ADAM20: variants seen among roughly 807,000 people sequenced by gnomAD.
ADAM20 encodes ADAM metallopeptidase domain 20.
For missense variants in ADAM20, 871 were observed against 883.2 expected (o/e 0.99, Z 0.18); for synonymous variants, 305 against 310.2 (o/e 0.98, Z 0.18).
chr14:70,527,064 C>A (rs928248751), intron 1 of ADAM20, among the ~76,000 whole-genome samples: 1 of 152,212 alleles, frequency 6.6e-6, no homozygotes, highest in African/African-American at 2.4e-5. Context: ...TATCTGCACA[C>A]TCCCATGCTC....
Position 70,524,674 on chromosome 14 carries a change from G to A in ADAM20, c.84C>T (p.His28=), listed in dbSNP as rs1883547036. Reference sequence around the variant, plus strand: ...AATACTGGGAGGGCCTGGCCTGAGAGTGGCCAGAAATAGACAAAAACATCC... The same window carrying A: ...AATACTGGGAGGGCCTGGCCTGAGAATGGCCAGAAATAGACAAAAACATCC... ...WFGMFLSISG[H]SQARPSQYFT... Residue 28 remains histidine (H), a synonymous_variant, in exon 2 of 2, where the codon CAC becomes CAT. Coordinates refer to ENST00000256389, the MANE Select transcript of ADAM20 (RefSeq NM_003814.5). 17 of 1,614,046 alleles carry A rather than the reference G, an allele frequency of 1.1e-5. No homozygotes were observed. The highest frequency in any genetic ancestry group is 1.4e-5 in the Non-Finnish European group (16 of 1,179,956).
the ADAM20 span, among the ~76,000 whole-genome samples, chr14:70,548,913 G>T: frequency 2.4e-4 from 29 of 118,766 alleles, no homozygotes; most frequent in Admixed American, 1.2e-3. Flanking sequence ...AGAAAGGTCG[G>T]GTTACCCTCA....
At chr14:70,558,127 A>C in the ADAM20 span, among the ~76,000 whole-genome samples, 182 of 152,350 alleles carry the variant, frequency 1.2e-3, no homozygotes, top group African/African-American at 4.3e-3. Flanking sequence ...GAATATTGAC[A>C]GGTACAGCTT....
intron 1 of ADAM20, among the ~76,000 whole-genome samples, chr14:70,528,596 G>A (rs1484150568): frequency 6.6e-6 from 1 of 152,112 alleles, no homozygotes; most frequent in Non-Finnish European, 1.5e-5. Context: ...CCTCATTCCA[G>A]AGCTTAGTGG....
the ADAM20 span, among the ~76,000 whole-genome samples, chr14:70,566,206 AC>A: frequency 6.6e-6 from 1 of 152,218 alleles, no homozygotes; most frequent in Non-Finnish European, 1.5e-5. Context: ...GTCACTTTTA[AC>A]CCTAATATAA....
chr14:70,560,719 TCA>T, the ADAM20 span, among the ~76,000 whole-genome samples: 1 of 152,100 alleles, frequency 6.6e-6, no homozygotes, highest in African/African-American at 2.4e-5. Flanking sequence ...ACTTCCCCCT[TCA>T]CTCTCTCTCT....
the ADAM20 span, among the ~76,000 whole-genome samples, chr14:70,571,976 T>C: frequency 8.5e-5 from 13 of 152,142 alleles, no homozygotes; most frequent in African/African-American, 2.2e-4. Flanking sequence ...AAAGAAATTA[T>C]AGATGATACA....
chr14:70,523,465 T>C lies in ADAM20; in HGVS notation c.1293A>G (p.Lys431=). The change falls in exon 2 of 2, where the codon AAA becomes AAG. Residue 431 remains lysine (K), a synonymous_variant. Coordinates refer to ENST00000256389, the MANE Select transcript of ADAM20 (RefSeq NM_003814.5). ...TACAGTTTAACAGACAACAGGGATC[T>C]TTTGCACACTGCCGTATGGTTCCAC... ...CDCGTIRQCA[K]DPCCLLNCTL... The C allele has an allele frequency of 6.2e-7, 1 of 1,614,076 alleles. No individual in the cohort carries two copies. Among genetic ancestry groups the C allele is most frequent in the Non-Finnish European group, 8.5e-7 (1 of 1,179,958 alleles).
chr14:70,524,857 T>C lies in ADAM20; in HGVS notation c.-100A>G, dbSNP rs778636555. On this transcript the variant is annotated 5_prime_UTR_variant, in exon 2 of 2. The change abolishes an upstream ATG in the 5' untranslated region. Coordinates refer to ENST00000256389, the MANE Select transcript of ADAM20 (RefSeq NM_003814.5). ...CTCCCTCTGAGCTGTTCAGGGTGCA[T>C]GGCTGACCTTTAGGGATCTGGGGAT... The C allele has an allele frequency of 2.5e-5, 41 of 1,612,852 alleles. No homozygotes were observed. Among genetic ancestry groups the C allele is most frequent in the Non-Finnish European group, 3.4e-5 (40 of 1,179,866 alleles).
At chr14:70,541,272 T>C in the ADAM20 span, among the ~76,000 whole-genome samples, 2 of 152,360 alleles carry the variant, frequency 1.3e-5, no homozygotes, top group African/African-American at 2.4e-5. Context: ...GCCTCCTCAA[T>C]GCTTTATAAA....
At chr14:70,572,962 G>C in the ADAM20 span, among the ~76,000 whole-genome samples, 1 of 152,110 alleles carries the variant, frequency 6.6e-6, no homozygotes, top group East Asian at 1.9e-4. Flanking sequence ...GTAGAGAAGA[G>C]AATGCTTATA....
At chr14:70,564,348 T>G in the ADAM20 span, among the ~76,000 whole-genome samples, 3 of 152,102 alleles carry the variant, frequency 2.0e-5, no homozygotes, top group African/African-American at 7.2e-5. Flanking sequence ...TTAAAAACAG[T>G]AGAATCTAGA....
chr14:70,569,608 AAG>A, the ADAM20 span, among the ~76,000 whole-genome samples: 1 of 152,014 alleles, frequency 6.6e-6, no homozygotes, highest in African/African-American at 2.4e-5. Context: ...ACAAACAAAA[AAG>A]AGGATGAGTT....
the ADAM20 span, among the ~76,000 whole-genome samples, chr14:70,546,572 T>A: frequency 7.9e-5 from 12 of 152,126 alleles, no homozygotes; most frequent in African/African-American, 2.9e-4. Context: ...ATCTATCTAG[T>A]GAGCAGAGGG....
At chr14:70,525,514 A>C (rs1345556583) in intron 1 of ADAM20, among the ~76,000 whole-genome samples, 1 of 152,086 alleles carries the variant, frequency 6.6e-6, no homozygotes, top group Non-Finnish European at 1.5e-5. Context: ...GAGCTGTCAT[A>C]CCGAGCAAAA....
In ADAM20 at chr14:70,524,550, G is replaced by A. The variant is rs370689994; in HGVS notation, c.208C>T (p.Gln70Ter). 4 of 1,613,804 alleles carry A rather than the reference G, an allele frequency of 2.5e-6. No individual in the cohort carries two copies. The African/African-American group carries it at 5.3e-5, about 22-fold the overall frequency. ...WLSYSLRFGG[Q>*]RYIVHMRVNK... ...ACCCTCATGTGGACAATGTATCTCT[G>A]TCCCCCAAACCGCAGGCTATAGGAG... Residue 70 changes from glutamine (Q) to a stop codon, truncating the protein, a stop_gained, in exon 2 of 2, where the codon CAG (glutamine) becomes TAG (stop). Coordinates refer to ENST00000256389, the MANE Select transcript of ADAM20 (RefSeq NM_003814.5). LOFTEE classifies it low-confidence loss of function (END_TRUNC).
the ADAM20 span, among the ~76,000 whole-genome samples, chr14:70,571,875 T>C: frequency 6.6e-6 from 1 of 152,070 alleles, no homozygotes; most frequent in Admixed American, 6.5e-5. Flanking sequence ...CTCAATTCCA[T>C]CTAGAAATAG....
chr14:70,559,843 G>GAAGC, the ADAM20 span, among the ~76,000 whole-genome samples: 2 of 152,170 alleles, frequency 1.3e-5, no homozygotes, highest in Middle Eastern at 3.2e-3. Context: ...AGAAAGGAAA[G>GAAGC]AAGCAAGCAA....
chr14:70,557,284 A>G, the ADAM20 span: 2 of 152,174 alleles, frequency 1.3e-5, no homozygotes, highest in Non-Finnish European at 2.9e-5. Flanking sequence ...TATGAGAAGG[A>G]GCTATGTCAA....
Sources: gnomAD v4.1 joint callset for allele counts (sites outside exome capture counted in the v4.1 genomes callset) on GRCh38, gnomAD v4.1.1 for gene constraint, MANE v1.5 for transcripts, NCBI Gene and HGNC (gene_info 2026-07-23, HGNC 2026-07-21) for gene names.